CTNND2: variants seen among roughly 807,000 people sequenced by gnomAD.
CTNND2 encodes catenin delta 2, also known as catenin delta-2.
Under a neutral mutation model 144.4 loss-of-function variants are expected in CTNND2, and 22 were observed. The ratio of observed to expected loss-of-function variants is 0.15; its 90% confidence interval spans 0.11 to 0.22. CTNND2 has a LOEUF of 0.22. Ranked by LOEUF, CTNND2 falls within the 10% of genes least tolerant of loss-of-function variation. The pLI, the probability that CTNND2 is intolerant of heterozygous loss-of-function variation, is 1.00. For synonymous variants in CTNND2, 751 were observed against 695.6 expected, an observed-to-expected ratio of 1.08 and a Z score of -1.25; for missense variants, 1,353 against 1,618.8, an observed-to-expected ratio of 0.84 and a Z score of 2.82.
chr5:11,044,022 AG>A (rs1744960312), intron 16 of CTNND2, among the ~76,000 whole-genome samples: 2 of 152,196 alleles, frequency 1.3e-5, no homozygotes, highest in South Asian at 4.1e-4. Flanking sequence ...CACTTGGCTG[AG>A]AGTAACTGGC....
chr5:11,571,325 C>G (rs1465280907), intron 2 of CTNND2, among the ~76,000 whole-genome samples: 2 of 152,124 alleles, frequency 1.3e-5, no homozygotes, highest in Non-Finnish European at 2.9e-5. Context: ...CTGTGCCTTC[C>G]AGGAGAACCA....
In CTNND2 at chr5:11,755,715, T is replaced by C. The variant is rs189922002; in HGVS notation, c.38-23443A>G. 2.0e-5 allele frequency among the ~76,000 whole-genome samples: 3 copies of C among 151,530 alleles called. No homozygotes were observed. In the East Asian group the frequency reaches 5.8e-4, roughly 29 times the overall value. On this transcript the variant is annotated intron_variant, in intron 1 of 21. Transcript: ENST00000304623. ...CTCTGAGATTCTTTCCTCAGCTTGG[T>C]TTATTCTGCTGTTAATACTTGCAAT...
chr5:11,624,089 A>T (rs556620674), intron 2 of CTNND2, among the ~76,000 whole-genome samples: 1 of 152,004 alleles, frequency 6.6e-6, no homozygotes, highest in African/African-American at 2.4e-5. Flanking sequence ...TTCGCAATGT[A>T]GGAACAGACT....
intron 3 of CTNND2, among the ~76,000 whole-genome samples, chr5:11,469,664 C>T (rs1766984258): frequency 6.6e-6 from 1 of 152,224 alleles, no homozygotes; most frequent in Non-Finnish European, 1.5e-5. Flanking sequence ...GAAAATTCTC[C>T]ACCCTTGTAG....
intron 3 of CTNND2, among the ~76,000 whole-genome samples, chr5:11,562,448 G>A (rs143626486): frequency 1.3e-5 from 2 of 152,220 alleles, no homozygotes; most frequent in African/African-American, 4.8e-5. Context: ...CAGTGGAAGT[G>A]ATGCTATGCA....
intron 1 of CTNND2, among the ~76,000 whole-genome samples, chr5:11,759,182 C>G (rs2126801485): frequency 9.6e-6 from 1 of 104,144 alleles, no homozygotes; most frequent in South Asian, 4.3e-4. Context: ...TATAATCTAC[C>G]TTTTTATGTC....
intron 2 of CTNND2, among the ~76,000 whole-genome samples, chr5:11,725,097 C>A (rs1423832653): frequency 6.6e-6 from 1 of 152,202 alleles, no homozygotes; most frequent in Non-Finnish European, 1.5e-5. Context: ...GAGCCCAGGG[C>A]ATGAACTTGC....
chr5:11,290,333 C>T (rs750458675), intron 9 of CTNND2, among the ~76,000 whole-genome samples: 44 of 152,260 alleles, frequency 2.9e-4, no homozygotes, highest in Non-Finnish European at 5.6e-4. Context: ...AGGTACCTGA[C>T]GGGATGCTCA....
chr5:11,156,981 ATC>A (rs2149762762), intron 12 of CTNND2, among the ~76,000 whole-genome samples: 1 of 152,206 alleles, frequency 6.6e-6, no homozygotes, highest in East Asian at 1.9e-4. Context: ...TTAAGCACAG[ATC>A]TGTTAGCAGT....
chr5:11,008,476 C>A (rs1278492322), intron 18 of CTNND2, among the ~76,000 whole-genome samples: 2 of 152,104 alleles, frequency 1.3e-5, no homozygotes, highest in African/African-American at 2.4e-5. Context: ...ATGCAGGCAG[C>A]CTTTAGAAGC....
At chr5:11,631,944 C>T (rs1294545814) in intron 2 of CTNND2, among the ~76,000 whole-genome samples, 1 of 152,132 alleles carries the variant, frequency 6.6e-6, no homozygotes, top group Non-Finnish European at 1.5e-5. Flanking sequence ...CCTGGGAGGA[C>T]AGGCAAGGCA....
chr5:11,725,896 T>C (rs967179161), intron 2 of CTNND2, among the ~76,000 whole-genome samples: 4 of 152,244 alleles, frequency 2.6e-5, no homozygotes, highest in Admixed American at 6.5e-5. Flanking sequence ...TCTGGTTCCA[T>C]TTCTCTGAAA....
At chr5:11,293,928 C>T (rs559419764) in intron 9 of CTNND2, among the ~76,000 whole-genome samples, 38 of 150,902 alleles carry the variant, frequency 2.5e-4, no homozygotes, top group African/African-American at 8.5e-4. Flanking sequence ...TAGAACCAGC[C>T]CAGCCCAGAG....
chr5:11,615,869 T>C (rs1780554464), intron 2 of CTNND2, among the ~76,000 whole-genome samples: 1 of 152,184 alleles, frequency 6.6e-6, no homozygotes, highest in Non-Finnish European at 1.5e-5. Context: ...ATCACATGCA[T>C]GACAATGGTA....
At chr5:11,131,649 C>T (rs534705841) in intron 12 of CTNND2, among the ~76,000 whole-genome samples, 11 of 152,178 alleles carry the variant, frequency 7.2e-5, no homozygotes, top group East Asian at 1.9e-4. Context: ...ATTAGCCAGG[C>T]GTGGTGGCGG....
chr5:11,131,785 T>A lies in CTNND2; in HGVS notation c.2160-14218A>T, dbSNP rs544675818. 2.3e-3 allele frequency among the ~76,000 whole-genome samples: 348 copies of A among 151,910 alleles called. 1 individual carries two copies. Among genetic ancestry groups the A allele is most frequent in the African/African-American group, 8.2e-3 (339 of 41,444 alleles). On this transcript the variant is annotated intron_variant, in intron 12 of 21. Transcript: ENST00000304623. The stretch of plus-strand genomic sequence containing the variant: ...GCCTGGGCGATAGAGCGAGACTGCG[T>A]CTCAAAAAAAAAAACAAAAAACTTC...
intron 7 of CTNND2, among the ~76,000 whole-genome samples, chr5:11,382,595 CTGTGTGTGTGTGTGTGTGTGT>C (rs1758611819): frequency 7.7e-6 from 1 of 130,148 alleles, no homozygotes; most frequent in Non-Finnish European, 1.6e-5. Flanking sequence ...GAGTGAGACT[CTGTGTGTGTGTGTGTGTGTGT>C]GTGTGTGTGT....
At chr5:11,195,848 C>G (rs906818324) in intron 11 of CTNND2, among the ~76,000 whole-genome samples, 2 of 152,146 alleles carry the variant, frequency 1.3e-5, no homozygotes, top group African/African-American at 2.4e-5. Context: ...AGTTTATTTG[C>G]TTCGGAGCTT....
intron 12 of CTNND2, among the ~76,000 whole-genome samples, chr5:11,156,680 A>G (rs1222427311): frequency 6.6e-6 from 1 of 152,098 alleles, no homozygotes; most frequent in Non-Finnish European, 1.5e-5. Context: ...TTAAAACACA[A>G]AAAGGCACCC....
Sources: gnomAD v4.1 joint callset for allele counts (sites outside exome capture counted in the v4.1 genomes callset) on GRCh38, gnomAD v4.1.1 for gene constraint, MANE v1.5 for transcripts, NCBI Gene and HGNC (gene_info 2026-07-23, HGNC 2026-07-21) for gene names.